The following IL11RA variants were observed in gnomAD, a reference collection of about 807,000 sequenced individuals.
The protein encoded by IL11RA is interleukin 11 receptor subunit alpha, also known as interleukin-11 receptor subunit alpha.
In IL11RA, 51 loss-of-function variants were observed where a neutral mutation model predicts 57.0. That is an observed-to-expected ratio of 0.89 (90% CI 0.71 to 1.13). The LOEUF (loss-of-function observed/expected upper bound fraction) is 1.13, where lower values mean the gene tolerates loss of function less well. IL11RA is among the 50% of genes most tolerant of loss of function. IL11RA has a pLI of 0.00. For synonymous variants in IL11RA, 199 were observed against 217.5 expected (o/e 0.91, Z 0.75); for missense variants, 498 against 539.4 (o/e 0.92, Z 0.76).
chr9:34,656,622 TA>T, intron 3 of IL11RA, 116 bp from the exon 4 acceptor site: 1 of 1,166,646 alleles, frequency 8.6e-7, no homozygotes, highest in Non-Finnish European at 1.3e-6. Flanking sequence ...TGAAAGCCAG[TA>T]AAAGGAATTT....
chr9:34,661,395 G>A (rs1821453802), intron 12 of IL11RA, 87 bp from the exon 13 acceptor site: 1 of 1,421,880 alleles, frequency 7.0e-7, no homozygotes, highest in Non-Finnish European at 9.9e-7. Context: ...GTTAAGCTTA[G>A]AACTGAGTCA....
chr9:34,653,944 AG>A lies in IL11RA; in HGVS notation c.1-1273del, dbSNP rs1821294816. On this transcript the variant is annotated intron_variant, in intron 1 of 12. Transcript: ENST00000441545. This position sits in a 1 kb window ranked among gnomAD's most constrained non-coding sequence, Gnocchi z 4.5. ...GAGTGGAGTAGGAGACGGGGGCTGT[AG>A]CTGGTGAGAGGAAGTCCTAGAGGCT... The A allele has an allele frequency of 6.6e-6, 1 of 152,630 alleles. No individual in the cohort carries two copies. Among genetic ancestry groups the A allele is most frequent in the Non-Finnish European group, 1.5e-5 (1 of 68,418 alleles). 9.5% of individuals were successfully genotyped at this position (152,630 alleles called of 1,614,324 possible).
Position 34,654,492 on chromosome 9 carries a change from C to T in IL11RA, c.1-726C>T, listed in dbSNP as rs184867609. Among the ~76,000 whole-genome samples the T allele has an allele frequency of 4.7e-3, 709 of 152,124 alleles. 2 individuals carry two copies. Among genetic ancestry groups the T allele is most frequent in the Non-Finnish European group, 8.5e-3 (575 of 67,962 alleles). On this transcript the variant is annotated intron_variant, in intron 1 of 12. Transcript: ENST00000441545. ...TTTCCATCTGCTGGCTCCTCGCCCA[C>T]CCCCAGCCTCTGGCAGCAGCCAGGG...
At chr9:34,660,962 G>A in intron 12 of IL11RA, 26 bp downstream of exon 12, 1 of 1,577,918 alleles carries the variant, frequency 6.3e-7, no homozygotes, top group Non-Finnish European at 8.7e-7. Context: ...AGAAGATTTG[G>A]ACTTGGAGAT....
chr9:34,659,720 C>G (rs905587395), intron 8 of IL11RA, 39 bp from the exon 9 acceptor site: 2 of 1,613,734 alleles, frequency 1.2e-6, no homozygotes, highest in South Asian at 2.2e-5. Flanking sequence ...AGGCCCTGCA[C>G]TTACAAGCTG....
chr9:34,657,182 A>C, intron 5 of IL11RA, 33 bp downstream of exon 5: 3 of 1,606,510 alleles, frequency 1.9e-6, no homozygotes, highest in Non-Finnish European at 2.6e-6. Flanking sequence ...ATGCCTACAC[A>C]TTTGGGTATG....
chr9:34,653,768 G>C lies in IL11RA; in HGVS notation c.1-1450G>C, dbSNP rs1383859160. 1 of 152,178 alleles carries C rather than the reference G, an allele frequency of 6.6e-6. No individual in the cohort carries two copies. Among genetic ancestry groups the C allele is most frequent in the Non-Finnish European group, 1.5e-5 (1 of 68,210 alleles). 9.4% of individuals were successfully genotyped at this position (152,178 alleles called of 1,614,324 possible). On this transcript the variant is annotated intron_variant, in intron 1 of 12. Coordinates refer to ENST00000441545, the MANE Select transcript of IL11RA (RefSeq NM_001142784.3). The surrounding 1 kb of genome is among the most constrained non-coding windows in gnomAD (Gnocchi z 4.5). ...GGCTTCCTTTCCAGACTTGGGGGAGGCCTCTTCCCTTCCCAGGGCCTTGGG... is the reference window on the plus strand; with the variant it reads ...GGCTTCCTTTCCAGACTTGGGGGAGCCCTCTTCCCTTCCCAGGGCCTTGGG...
Position 34,660,594 on chromosome 9 carries a change from G to A in IL11RA, c.1163G>A (p.Gly388Glu). The A allele has an allele frequency of 6.2e-7, 1 of 1,613,474 alleles. No homozygotes were observed. Among genetic ancestry groups the A allele is most frequent in the Non-Finnish European group, 8.5e-7 (1 of 1,179,456 alleles). Residue 388 changes from glycine (G) to glutamate (E), a missense_variant, in exon 11 of 13, where the codon GGG (glycine) becomes GAG (glutamate). Transcript: ENST00000441545. ...CTGGTGGCTGGGGCCCTGGCACTGGGGCTCTGGTAAGTGACTGCCATTGGT... is the reference window on the plus strand; with the variant it reads ...CTGGTGGCTGGGGCCCTGGCACTGGAGCTCTGGTAAGTGACTGCCATTGGT... Reference protein sequence around the residue: ...LGLVAGALALGLWLRLRRGGK... With the variant: ...LGLVAGALALELWLRLRRGGK...
In IL11RA at chr9:34,657,351, G is replaced by A; in HGVS notation, c.479+16G>A. The stretch of plus-strand genomic sequence containing the variant: ...ATAGCCAGAGGTAGGACGTGAGGGA[G>A]CATGTGGGGGCTCCAGCTGGGTCCC... On this transcript the variant is annotated intron_variant, in intron 6 of 12. Transcript: ENST00000441545. 1.9e-6 allele frequency: 3 copies of A among 1,614,184 alleles called. No homozygotes were observed. The highest frequency in any genetic ancestry group is 2.5e-6 in the Non-Finnish European group (3 of 1,180,006).
At position 34,657,501 on chromosome 9, in the gene IL11RA, TCTGGAG is replaced by T. The variant is rs760338098; in HGVS notation, c.562_567del (p.Trp188_Ser189del). The stretch of plus-strand genomic sequence containing the variant: ...CGCTGTGTTGTCCACGGGGCTGAGT[TCTGGAG>T]CCAGTACCGGATTAATGTGACTGAG... On this transcript the variant is annotated inframe_deletion, in exon 7 of 13. Coordinates refer to ENST00000441545, the MANE Select transcript of IL11RA (RefSeq NM_001142784.3). 1 of 1,614,158 alleles carries T rather than the reference TCTGGAG, an allele frequency of 6.2e-7. No homozygotes were observed. The highest frequency in any genetic ancestry group is 1.1e-5 in the South Asian group (1 of 91,080).
intron 9 of IL11RA, among the ~76,000 whole-genome samples, 170 bp from the exon 10 acceptor site, chr9:34,660,104 C>CTA (rs2132359488): frequency 6.6e-6 from 1 of 152,388 alleles, no homozygotes; most frequent in East Asian, 1.9e-4. Flanking sequence ...GTTACAGGCT[C>CTA]CACTTCTACA....
chr9:34,656,001 T>G (rs1587245717), intron 3 of IL11RA: 2 of 375,386 alleles, frequency 5.3e-6, no homozygotes, highest in South Asian at 2.4e-5. Flanking sequence ...AAAACCAAAG[T>G]GAGGGATGTC....
At chr9:34,654,878 G>A (rs1488853718) in intron 1 of IL11RA, among the ~76,000 whole-genome samples, 1 of 152,174 alleles carries the variant, frequency 6.6e-6, no homozygotes, top group African/African-American at 2.4e-5. Context: ...TTGGTGCCAG[G>A]GGTGGGCGCC....
Position 34,653,280 on chromosome 9 carries a change from G to A in IL11RA, c.-1+1047G>A, listed in dbSNP as rs758072753. Among the ~76,000 whole-genome samples, 5 of 152,314 alleles carry A rather than the reference G, an allele frequency of 3.3e-5. No individual in the cohort carries two copies. Among genetic ancestry groups the A allele is most frequent in the African/African-American group, 7.2e-5 (3 of 41,568 alleles). ...AGTCTGAGGCGGTGTGGCTGTGCCC[G>A]TGTGACTGTGAGTGACCGCATGTGA... On this transcript the variant is annotated intron_variant, in intron 1 of 12. Coordinates refer to ENST00000441545, the MANE Select transcript of IL11RA (RefSeq NM_001142784.3). The surrounding 1 kb of genome is among the most constrained non-coding windows in gnomAD (Gnocchi z 4.5).
Position 34,658,576 on chromosome 9 carries a change from C to A in IL11RA, c.703C>A (p.Arg235Ser), listed in dbSNP as rs147884261. 8 of 1,614,154 alleles carry A rather than the reference C, an allele frequency of 5.0e-6. No individual in the cohort carries two copies. In the East Asian group the frequency reaches 1.8e-4, roughly 36 times the overall value. Residue 235 changes from arginine (R) to serine (S), a missense_variant, in exon 8 of 13, where the codon CGC becomes AGC. Coordinates refer to ENST00000441545, the MANE Select transcript of IL11RA (RefSeq NM_001142784.3). This position sits in a 1 kb window ranked among gnomAD's most constrained non-coding sequence, Gnocchi z 4.0. ...AGAGTCAGTACCAGGTTACCCCCGA[C>A]GCCTGCGAGCCAGCTGGACATACCC... ...RVESVPGYPR[R>S]LRASWTYPAS... is the part of the protein sequence containing the mutation.
At position 34,657,134 on chromosome 9, in the gene IL11RA, A is replaced by C. The variant is rs769319734; in HGVS notation, c.431A>C (p.Tyr144Ser). The change falls in exon 5 of 13, where the codon TAC (tyrosine) becomes TCC (serine). Residue 144 changes from tyrosine (Y) to serine (S), a missense_variant. Tyr to Ser is a moderately radical substitution (Grantham distance 144). Transcript: ENST00000441545. ...CAGATCAGCGGTTTACCCACCCGCT[A>C]CCTCACCTCCTACAGGTGTGTGTGT... ...PSQISGLPTR[Y>S]LTSYRKKTVL... 6.2e-7 allele frequency: 1 copy of C among 1,613,618 alleles called. No homozygotes were observed. The highest frequency in any genetic ancestry group is 8.5e-7 in the Non-Finnish European group (1 of 1,179,662).
At chr9:34,660,417 A>C (rs779776323) in intron 10 of IL11RA, 24 bp downstream of exon 10, 1 of 1,613,958 alleles carries the variant, frequency 6.2e-7, no homozygotes, top group South Asian at 1.1e-5. Flanking sequence ...GATGGGCAAG[A>C]CTTGTAAAGG....
chr9:34,656,310 C>T (rs777045436), intron 3 of IL11RA, among the ~76,000 whole-genome samples: 17 of 152,238 alleles, frequency 1.1e-4, no homozygotes, highest in South Asian at 2.1e-4. Flanking sequence ...AGATTACAGG[C>T]GTGAGCCACC....
chr9:34,656,942 G>A, intron 4 of IL11RA, 34 bp downstream of exon 4: 3 of 1,613,172 alleles, frequency 1.9e-6, no homozygotes, highest in Non-Finnish European at 2.5e-6. Flanking sequence ...ATGACACATA[G>A]GGATCCTGAG....
Sources: allele counts gnomAD v4.1 joint callset (sites outside exome capture counted in the v4.1 genomes callset), GRCh38; gene constraint gnomAD v4.1.1; non-coding constraint Gnocchi (gnomAD v3.1); transcripts MANE v1.5; gene names NCBI Gene and HGNC (gene_info 2026-07-23, HGNC 2026-07-21).